FUT9: variants seen among roughly 807,000 people sequenced by gnomAD.
FUT9 encodes the protein 4-galactosyl-N-acetylglucosaminide 3-alpha-L-fucosyltransferase 9.
A neutral mutation model predicts 29.7 loss-of-function variants in FUT9; 15 were observed. That is an observed-to-expected ratio of 0.51 (90% CI 0.34 to 0.78). FUT9 has a LOEUF of 0.78. Ranked by LOEUF, FUT9 falls within the 30% of genes least tolerant of loss-of-function variation. FUT9 has a pLI of 0.01. For synonymous variants in FUT9, 169 were observed against 153.7 expected, an observed-to-expected ratio of 1.10 and a Z score of -0.74; for missense variants, 319 against 425.4, an observed-to-expected ratio of 0.75 and a Z score of 2.20.
At chr6:96,046,064 G>A (rs1278897560) in intron 1 of FUT9, among the ~76,000 whole-genome samples, 1 of 151,798 alleles carries the variant, frequency 6.6e-6, no homozygotes, top group African/African-American at 2.4e-5. Flanking sequence ...GTATATATGT[G>A]GCTTAAAAGA....
rs541882062 is a variant in FUT9, at chr6:96,167,180, C to T, written c.-8-35968C>T. On this transcript the variant is annotated intron_variant, in intron 2 of 2. Coordinates refer to ENST00000302103, the MANE Select transcript of FUT9 (RefSeq NM_006581.4). ...AATGTAATTAAGAATAATTTAAAGT[C>T]TATTTCTGGGACTGGAAGTTATTGG... Among the ~76,000 whole-genome samples the T allele has an allele frequency of 3.9e-5, 6 of 152,266 alleles. No individual in the cohort carries two copies. The South Asian group carries it at 8.3e-4, about 21-fold the overall frequency.
intron 1 of FUT9, among the ~76,000 whole-genome samples, chr6:96,041,547 G>A (rs1188613596): frequency 6.6e-6 from 1 of 152,132 alleles, no homozygotes; most frequent in African/African-American, 2.4e-5. Flanking sequence ...TACTGGCAGT[G>A]TGGTATGGAG....
rs370989406 is a variant in FUT9 at position 96,081,182 on chromosome 6, T to C, written c.-97-32857T>C. Among the ~76,000 whole-genome samples the C allele has an allele frequency of 1.0e-3, 154 of 152,056 alleles. 1 individual carries two copies. Among genetic ancestry groups the C allele is most frequent in the African/African-American group, 3.5e-3 (147 of 41,566 alleles). On this transcript the variant is annotated intron_variant, in intron 1 of 2. Transcript: ENST00000302103. ...AGTTTAAGGAATATTTTTCAATGAATATTTAACATCATAAATAAAACAATA... is the reference window on the plus strand; with the variant it reads ...AGTTTAAGGAATATTTTTCAATGAACATTTAACATCATAAATAAAACAATA...
At chr6:96,142,656 A>C (rs9399782) in intron 2 of FUT9, among the ~76,000 whole-genome samples, 7 of 151,764 alleles carry the variant, frequency 4.6e-5, no homozygotes, top group Admixed American at 3.9e-4. Flanking sequence ...CTGTATGCAG[A>C]TCTATTATGA....
chr6:96,187,101 T>C (rs1773418992), intron 2 of FUT9, among the ~76,000 whole-genome samples: 1 of 152,058 alleles, frequency 6.6e-6, no homozygotes, highest in Non-Finnish European at 1.5e-5. Flanking sequence ...CCAAGCCTAA[T>C]GTTAGAAAAA....
intron 2 of FUT9, among the ~76,000 whole-genome samples, chr6:96,128,972 T>G (rs929631637): frequency 6.6e-6 from 1 of 151,270 alleles, no homozygotes; most frequent in Non-Finnish European, 1.5e-5. Context: ...AAAATACAAA[T>G]AGCCACCGGG....
At chr6:96,181,583 CT>C (rs112456904) in intron 2 of FUT9, among the ~76,000 whole-genome samples, 2 of 151,770 alleles carry the variant, frequency 1.3e-5, no homozygotes, top group East Asian at 1.9e-4. Flanking sequence ...TTTTATCCCT[CT>C]CCTTTCTCCC....
intron 1 of FUT9, among the ~76,000 whole-genome samples, chr6:96,111,630 G>A (rs1771809713): frequency 6.6e-6 from 1 of 151,068 alleles, no homozygotes; most frequent in African/African-American, 2.4e-5. Flanking sequence ...CCACTTCCTG[G>A]CCCTCATTAT....
chr6:96,136,811 G>A (rs908730678), intron 2 of FUT9, among the ~76,000 whole-genome samples: 7 of 151,854 alleles, frequency 4.6e-5, no homozygotes, highest in Non-Finnish European at 1.0e-4. Context: ...AAATAATTGC[G>A]AGGCTACTCT....
intron 2 of FUT9, among the ~76,000 whole-genome samples, chr6:96,164,377 G>A (rs1772974017): frequency 6.7e-6 from 1 of 149,844 alleles, no homozygotes; most frequent in Admixed American, 6.8e-5. Flanking sequence ...TCCTGCCTCA[G>A]CCTCCTGAGT....
At chr6:96,164,493 C>T (rs1772977164) in intron 2 of FUT9, among the ~76,000 whole-genome samples, 1 of 152,010 alleles carries the variant, frequency 6.6e-6, no homozygotes, top group Non-Finnish European at 1.5e-5. Context: ...CTCCTGACCT[C>T]GTGATCCACC....
At chr6:96,126,455 G>A (rs899615339) in intron 2 of FUT9, among the ~76,000 whole-genome samples, 7 of 152,256 alleles carry the variant, frequency 4.6e-5, no homozygotes, top group African/African-American at 1.4e-4. Flanking sequence ...CCTCCCTTCA[G>A]GCCCCGCCTC....
intron 2 of FUT9, among the ~76,000 whole-genome samples, chr6:96,122,988 A>T (rs1772058425): frequency 1.5e-5 from 2 of 134,180 alleles, no homozygotes; most frequent in Non-Finnish European, 3.1e-5. Context: ...TGAACCCAGA[A>T]GGGGGAGCTT....
chr6:96,085,413 CT>C (rs1771299969), intron 1 of FUT9, among the ~76,000 whole-genome samples: 1 of 152,186 alleles, frequency 6.6e-6, no homozygotes. Flanking sequence ...TTTGTGGTCT[CT>C]TTTATAAGGG....
At chr6:96,166,410 C>T (rs1773017036) in intron 2 of FUT9, among the ~76,000 whole-genome samples, 1 of 151,992 alleles carries the variant, frequency 6.6e-6, no homozygotes, top group Non-Finnish European at 1.5e-5. Flanking sequence ...TTATATATAA[C>T]TGTATTTAAA....
At chr6:96,127,689 C>T (rs1227094644) in intron 2 of FUT9, among the ~76,000 whole-genome samples, 1 of 152,078 alleles carries the variant, frequency 6.6e-6, no homozygotes. Context: ...ACCTTGCCAG[C>T]ATCTGTTATT....
intron 1 of FUT9, among the ~76,000 whole-genome samples, chr6:96,075,476 A>G (rs1771128800): frequency 6.6e-6 from 1 of 152,202 alleles, no homozygotes; most frequent in African/African-American, 2.4e-5. Context: ...TGACAAATAT[A>G]TATGTATATA....
At chr6:96,157,186 C>T (rs1399618032) in intron 2 of FUT9, among the ~76,000 whole-genome samples, 1 of 152,140 alleles carries the variant, frequency 6.6e-6, no homozygotes, top group African/African-American at 2.4e-5. Flanking sequence ...TTCTTTGAGT[C>T]TATGTAATAT....
intron 2 of FUT9, among the ~76,000 whole-genome samples, chr6:96,183,213 T>C (rs1406322414): frequency 3.3e-5 from 5 of 151,912 alleles, no homozygotes; most frequent in Non-Finnish European, 5.9e-5. Flanking sequence ...GCAGCTATTG[T>C]AAAAGTGCTG....
Sources: allele counts gnomAD v4.1 joint callset (sites outside exome capture counted in the v4.1 genomes callset), GRCh38; gene constraint gnomAD v4.1.1; transcripts MANE v1.5; gene names NCBI Gene and HGNC (gene_info 2026-07-23, HGNC 2026-07-21).